Variants in CNOT4 observed in about 807,000 individuals in gnomAD.
CNOT4 encodes the protein CCR4-associated factor 4.
Under a neutral mutation model 73.8 loss-of-function variants are expected in CNOT4, and 8 were observed. The observed-to-expected ratio is 0.11, with a 90% confidence interval of 0.06 to 0.20. CNOT4 has a LOEUF of 0.20. CNOT4 is among the 10% of genes least tolerant of loss of function. The probability of loss-of-function intolerance (pLI) is 1.00; values close to 1 mark genes in which losing one functional copy is unlikely to be tolerated. For synonymous variants in CNOT4, 293 were observed against 321.1 expected, an observed-to-expected ratio of 0.91 and a Z score of 0.94; for missense variants, 564 against 883.4, an observed-to-expected ratio of 0.64 and a Z score of 4.58.
In CNOT4 at chr7:135,394,207, G is replaced by C; in HGVS notation, c.1338C>G (p.Ala446=). The stretch of plus-strand genomic sequence containing the variant: ...GCAGGAATCCAGAGCCTGGACCTTT[G>C]GCGGTTGTAGTGTGTGAAGAGGAGT... ...LQNSSSHTTT[A]KGPGSGFLHP... is the part of the protein sequence containing the mutation. Residue 446 remains alanine (A), a synonymous_variant, in exon 10 of 12, where the codon GCC becomes GCG. Transcript: ENST00000541284. 6.2e-7 allele frequency: 1 copy of C among 1,614,206 alleles called. No homozygotes were observed. The highest frequency in any genetic ancestry group is 8.5e-7 in the Non-Finnish European group (1 of 1,180,028).
At chr7:135,372,720 C>A (rs999548537) in intron 10 of CNOT4, among the ~76,000 whole-genome samples, 4 of 152,148 alleles carry the variant, frequency 2.6e-5, no homozygotes, top group African/African-American at 9.7e-5. Context: ...TCACACCCGG[C>A]TAATTTTTGT....
At chr7:135,495,690 A>AAAAG (rs796412528) in intron 1 of CNOT4, among the ~76,000 whole-genome samples, 783 of 38,560 alleles carry the variant, frequency 0.02, 22 homozygotes, top group Middle Eastern at 0.031. Context: ...AAAAAAAAAA[A>AAAAG]AAAGAAAGAA....
intron 1 of CNOT4, among the ~76,000 whole-genome samples, chr7:135,464,060 G>A (rs1039013412): frequency 2.7e-5 from 4 of 146,762 alleles, no homozygotes; most frequent in East Asian, 3.9e-4. Flanking sequence ...GCAAGGTTAC[G>A]AAGAAAAGGG....
intron 10 of CNOT4, among the ~76,000 whole-genome samples, chr7:135,368,032 T>C (rs1205400262): frequency 1.3e-5 from 2 of 152,128 alleles, no homozygotes; most frequent in African/African-American, 4.8e-5. Context: ...TTCTAAACAA[T>C]TTGAGGGCAG....
intron 1 of CNOT4, among the ~76,000 whole-genome samples, chr7:135,497,287 T>C (rs915482157): frequency 2.6e-5 from 4 of 152,038 alleles, no homozygotes; most frequent in Admixed American, 1.3e-4. Context: ...CACGTGCCTG[T>C]AGTCCCAGCT....
intron 1 of CNOT4, among the ~76,000 whole-genome samples, chr7:135,440,380 CA>C (rs1183996215): frequency 1.3e-5 from 2 of 150,632 alleles, no homozygotes; most frequent in Non-Finnish European, 2.9e-5. Context: ...AGTTTTCACC[CA>C]AAGTAGAGAA....
chr7:135,435,434 A>G (rs1320048547), intron 2 of CNOT4, among the ~76,000 whole-genome samples: 3 of 152,068 alleles, frequency 2.0e-5, no homozygotes, highest in African/African-American at 7.2e-5. Context: ...CTTCCAATTT[A>G]TCAATTTGCT....
intron 1 of CNOT4, among the ~76,000 whole-genome samples, chr7:135,462,012 G>A (rs533818953): frequency 2.7e-5 from 4 of 150,844 alleles, no homozygotes; most frequent in Non-Finnish European, 5.9e-5. Flanking sequence ...TTTATTAAAA[G>A]AAAGAATATC....
At chr7:135,433,341 C>A (rs1228192554) in intron 2 of CNOT4, among the ~76,000 whole-genome samples, 1 of 148,098 alleles carries the variant, frequency 6.8e-6, no homozygotes, top group Non-Finnish European at 1.5e-5. Flanking sequence ...TTCTTTATAT[C>A]ATCCTGTTCT....
chr7:135,446,540 TTTAA>T (rs1164025349), intron 1 of CNOT4, among the ~76,000 whole-genome samples: 1 of 152,204 alleles, frequency 6.6e-6, no homozygotes, highest in Non-Finnish European at 1.5e-5. Context: ...TAATTAACCC[TTTAA>T]TTTTTTGCCA....
intron 1 of CNOT4, among the ~76,000 whole-genome samples, chr7:135,445,539 A>C (rs1490659276): frequency 2.0e-5 from 3 of 152,164 alleles, no homozygotes; most frequent in South Asian, 4.1e-4. Context: ...TTTAAGGGCA[A>C]GTTTCCCCTT....
intron 1 of CNOT4, among the ~76,000 whole-genome samples, chr7:135,507,205 A>G (rs570728537): frequency 6.6e-6 from 1 of 152,194 alleles, no homozygotes; most frequent in Non-Finnish European, 1.5e-5. Context: ...GCACTTTGTC[A>G]TTTGATTATA....
At chr7:135,478,686 G>C (rs1352264392) in intron 1 of CNOT4, among the ~76,000 whole-genome samples, 2 of 152,136 alleles carry the variant, frequency 1.3e-5, no homozygotes, top group Non-Finnish European at 2.9e-5. Context: ...CTGGGTGACA[G>C]AATGAAACTC....
intron 1 of CNOT4, among the ~76,000 whole-genome samples, chr7:135,453,551 C>A (rs895784017): frequency 9.2e-5 from 14 of 151,478 alleles, no homozygotes; most frequent in Admixed American, 6.6e-4. Context: ...GTGTTTTGGG[C>A]TAGGTAGGGC....
At chr7:135,487,670 A>G (rs1208350052) in intron 1 of CNOT4, among the ~76,000 whole-genome samples, 3 of 152,200 alleles carry the variant, frequency 2.0e-5, no homozygotes, top group African/African-American at 7.2e-5. Context: ...CATTGATAGT[A>G]GCAATATGAA....
intron 8 of CNOT4, among the ~76,000 whole-genome samples, chr7:135,396,325 T>G (rs1002446758): frequency 1.1e-4 from 17 of 151,828 alleles, no homozygotes; most frequent in Admixed American, 5.2e-4. Context: ...CACCGCATTA[T>G]CCAGGATGGT....
chr7:135,509,999 T>C lies in CNOT4; in HGVS notation c.-203A>G, dbSNP rs1408140576. On this transcript the variant is annotated 5_prime_UTR_variant, in exon 1 of 12. Coordinates refer to ENST00000541284, the MANE Select transcript of CNOT4 (RefSeq NM_001190850.2). ...AAAACTCTTCAGAACCGGGCCTGAT[T>C]GCTTCAGCGAGTCCGACCTTTACGG... is the stretch of plus-strand genomic sequence containing the variant. 1 of 398,990 alleles carries C rather than the reference T, an allele frequency of 2.5e-6. No homozygotes were observed. Among genetic ancestry groups the C allele is most frequent in the Non-Finnish European group, 4.4e-6 (1 of 226,120 alleles). 24.7% of individuals were successfully genotyped at this position (398,990 alleles called of 1,614,324 possible).
chr7:135,391,383 C>T (rs536926493), intron 10 of CNOT4, among the ~76,000 whole-genome samples: 1 of 151,898 alleles, frequency 6.6e-6, no homozygotes, highest in African/African-American at 2.4e-5. Flanking sequence ...TAAAAATAAC[C>T]TAATAATAAG....
chr7:135,419,642 T>G (rs2129484409), intron 3 of CNOT4, among the ~76,000 whole-genome samples: 1 of 152,270 alleles, frequency 6.6e-6, no homozygotes, highest in Non-Finnish European at 1.5e-5. Context: ...ATACTTAGAC[T>G]CATGATAAAG....
Sources: allele counts gnomAD v4.1 joint callset (sites outside exome capture counted in the v4.1 genomes callset), GRCh38; gene constraint gnomAD v4.1.1; transcripts MANE v1.5; gene names NCBI Gene and HGNC (gene_info 2026-07-23, HGNC 2026-07-21).